Variants in AKAP6 observed in about 807,000 individuals in gnomAD.
The protein encoded by AKAP6 is A-kinase anchoring protein 6, also known as A-kinase anchor protein 6.
A neutral mutation model predicts 188.5 loss-of-function variants in AKAP6; 58 were observed. The ratio of observed to expected loss-of-function variants is 0.31; its 90% CI spans 0.25 to 0.38. The LOEUF (loss-of-function observed/expected upper bound fraction) is 0.38. Ranked by LOEUF, AKAP6 falls within the 10% of genes least tolerant of loss-of-function variation. AKAP6 has a pLI of 1.00. For missense variants in AKAP6, 2,710 were observed against 2,740.0 expected (o/e 0.99, Z 0.24); for synonymous variants, 989 against 998.6 (o/e 0.99, Z 0.18).
chr14:32,825,087 G>A (rs1272188408), intron 13 of AKAP6, among the ~76,000 whole-genome samples: 1 of 152,064 alleles, frequency 6.6e-6, no homozygotes, highest in Non-Finnish European at 1.5e-5. Context: ...AACAATTTAA[G>A]GCCTCAAATT....
chr14:32,779,832 T>C (rs11845730), intron 12 of AKAP6, among the ~76,000 whole-genome samples: 2,877 of 152,162 alleles, frequency 0.019, 108 homozygotes, highest in African/African-American at 0.065. Context: ...AAACACTCTA[T>C]CCAAGGCTTT....
chr14:32,836,218 A>G lies in AKAP6; in HGVS notation c.*6413A>G, dbSNP rs1473941870. The G allele has an allele frequency of 6.7e-6, 1 of 150,016 alleles. No homozygotes were observed. The highest frequency in any genetic ancestry group is 1.5e-5 in the Non-Finnish European group (1 of 67,304). 9.3% of individuals were successfully genotyped at this position (150,016 alleles called of 1,614,324 possible). On this transcript the variant is annotated 3_prime_UTR_variant, in exon 14 of 14. Coordinates refer to ENST00000280979, the MANE Select transcript of AKAP6 (RefSeq NM_004274.5). ...GTGTTGTTTATAAACAACAGAATTT[A>G]CTGCTCAAAGTTCTGGAGACTGGGA...
chr14:32,364,073 G>A (rs1441068592), intron 1 of AKAP6, among the ~76,000 whole-genome samples: 1 of 152,208 alleles, frequency 6.6e-6, no homozygotes, highest in Non-Finnish European at 1.5e-5. Context: ...CTGAGTGGTA[G>A]GAGAGAGAAC....
At chr14:32,587,884 G>T (rs187208625) in intron 5 of AKAP6, among the ~76,000 whole-genome samples, 2 of 152,254 alleles carry the variant, frequency 1.3e-5, no homozygotes, top group African/African-American at 4.8e-5. Flanking sequence ...ACCAGGTAAC[G>T]TGATATTATA....
At chr14:32,506,891 G>A (rs1880907110) in intron 2 of AKAP6, among the ~76,000 whole-genome samples, 1 of 152,088 alleles carries the variant, frequency 6.6e-6, no homozygotes, top group African/African-American at 2.4e-5. Flanking sequence ...CTGTGTGCAT[G>A]TATAATTATA....
chr14:32,376,255 C>T (rs72666173), intron 1 of AKAP6, among the ~76,000 whole-genome samples: 2,037 of 152,346 alleles, frequency 0.013, 28 homozygotes, highest in Non-Finnish European at 0.021. Flanking sequence ...AATCTATAAA[C>T]TTCCCCTCAG....
chr14:32,524,463 A>G (rs955860322), intron 2 of AKAP6, among the ~76,000 whole-genome samples: 3 of 151,960 alleles, frequency 2.0e-5, no homozygotes, highest in Non-Finnish European at 4.4e-5. Flanking sequence ...TATTTACTAT[A>G]TACATATATA....
chr14:32,577,069 C>A (rs779086168), intron 4 of AKAP6, 51 bp from the exon 5 acceptor site: 1 of 1,574,870 alleles, frequency 6.3e-7, no homozygotes. Flanking sequence ...GAATAACCAA[C>A]TAACATGCCT....
intron 2 of AKAP6, among the ~76,000 whole-genome samples, chr14:32,516,323 A>G (rs1881519829): frequency 2.0e-5 from 3 of 152,034 alleles, no homozygotes; most frequent in Non-Finnish European, 4.4e-5. Flanking sequence ...TTCCTTCTGG[A>G]TGGACCTTGA....
chr14:32,401,199 C>T (rs970311217), intron 1 of AKAP6, among the ~76,000 whole-genome samples: 6 of 152,082 alleles, frequency 3.9e-5, no homozygotes, highest in African/African-American at 1.4e-4. Context: ...CCTGATAGCT[C>T]TTCCTTGGCT....
intron 6 of AKAP6, 56 bp from the exon 7 acceptor site, chr14:32,600,573 A>G (rs1885883185): frequency 2.0e-6 from 3 of 1,492,384 alleles, no homozygotes; most frequent in Admixed American, 4.6e-5. Context: ...AATAAAAATA[A>G]TGAGTAAAGA....
chr14:32,641,319 A>G (rs1331808638), intron 7 of AKAP6, among the ~76,000 whole-genome samples: 1 of 151,942 alleles, frequency 6.6e-6, no homozygotes, highest in Non-Finnish European at 1.5e-5. Flanking sequence ...GGAAATCAGA[A>G]AACTAGGACC....
chr14:32,774,300 A>T (rs1201196341), intron 12 of AKAP6, among the ~76,000 whole-genome samples: 1 of 152,260 alleles, frequency 6.6e-6, no homozygotes, highest in Non-Finnish European at 1.5e-5. Context: ...CTGTCAGAGC[A>T]TATGGAGTAA....
intron 1 of AKAP6, among the ~76,000 whole-genome samples, chr14:32,354,162 G>A (rs1427027123): frequency 6.6e-6 from 1 of 151,898 alleles, no homozygotes; most frequent in Non-Finnish European, 1.5e-5. Flanking sequence ...TCAATCCTAA[G>A]CCAAAAGAAC....
intron 2 of AKAP6, among the ~76,000 whole-genome samples, chr14:32,502,244 T>A (rs1016674098): frequency 1.3e-5 from 2 of 152,162 alleles, no homozygotes; most frequent in African/African-American, 4.8e-5. Flanking sequence ...GCTGTTTTAT[T>A]TCTTAAATGA....
chr14:32,497,740 A>G (rs1880399501), intron 2 of AKAP6, among the ~76,000 whole-genome samples: 1 of 151,864 alleles, frequency 6.6e-6, no homozygotes, highest in African/African-American at 2.4e-5. Flanking sequence ...GGGCATTAAA[A>G]TCTCCAATTA....
chr14:32,393,701 A>G (rs1888784641), intron 1 of AKAP6, among the ~76,000 whole-genome samples: 1 of 152,138 alleles, frequency 6.6e-6, no homozygotes, highest in Non-Finnish European at 1.5e-5. Flanking sequence ...ATTAAGAAGA[A>G]AAATTATAAT....
intron 12 of AKAP6, among the ~76,000 whole-genome samples, chr14:32,807,143 C>T (rs2034111523): frequency 6.6e-6 from 1 of 151,434 alleles, no homozygotes; most frequent in Non-Finnish European, 1.5e-5. Context: ...GCTAGGAGTT[C>T]CAGACCAACC....
intron 2 of AKAP6, among the ~76,000 whole-genome samples, chr14:32,518,165 G>A (rs1270109524): frequency 6.6e-6 from 1 of 152,052 alleles, no homozygotes; most frequent in Admixed American, 6.6e-5. Context: ...AAACAGAAAG[G>A]ACATCTACAC....
Sources: gnomAD v4.1 joint callset for allele counts (sites outside exome capture counted in the v4.1 genomes callset) on GRCh38, gnomAD v4.1.1 for gene constraint, MANE v1.5 for transcripts, NCBI Gene and HGNC (gene_info 2026-07-23, HGNC 2026-07-21) for gene names.